GGACT: variants seen among roughly 807,000 people sequenced by gnomAD.
GGACT encodes the protein gamma-glutamylamine cyclotransferase, also known as gamma-glutamylaminecyclotransferase.
For missense variants in GGACT, 241 were observed against 233.2 expected (o/e 1.03, Z -0.22); for synonymous variants, 118 against 115.3 (o/e 1.02, Z -0.15).
intron 2 of GGACT, among the ~76,000 whole-genome samples, chr13:100,562,894 A>C (rs971048199): frequency 1.3e-5 from 2 of 152,020 alleles, no homozygotes; most frequent in South Asian, 2.1e-4. Flanking sequence ...TAACAACCCC[A>C]AAAAAAGAGC....
At chr13:100,549,118 C>T (rs1166560090) in intron 2 of GGACT, among the ~76,000 whole-genome samples, 5 of 152,078 alleles carry the variant, frequency 3.3e-5, no homozygotes, top group African/African-American at 4.8e-5. Flanking sequence ...CAGGCTGAGG[C>T]GGGTGGTTCA....
At chr13:100,570,441 C>T (rs796869852) in intron 2 of GGACT, among the ~76,000 whole-genome samples, 4 of 152,268 alleles carry the variant, frequency 2.6e-5, no homozygotes, top group African/African-American at 9.6e-5. Flanking sequence ...ATAAAACCAT[C>T]AGATCTCATG....
At position 100,534,287 on chromosome 13, in the gene GGACT, C is replaced by T. The variant is rs1339369849; in HGVS notation, c.-10-1686G>A. 7.2e-5 allele frequency among the ~76,000 whole-genome samples: 11 copies of T among 152,302 alleles called. No individual in the cohort carries two copies. The South Asian group carries it at 2.3e-3, about 32-fold the overall frequency. On this transcript the variant is annotated intron_variant, in intron 2 of 2. Transcript: ENST00000683975. The surrounding 1 kb of genome is among the most constrained non-coding windows in gnomAD (Gnocchi z 4.9). The stretch of plus-strand genomic sequence containing the variant: ...AAACACAAGGCTAGCCAGATACGTG[C>T]GCCCTGTGGGCCTGGCCATGTGATA...
At chr13:100,536,506 TG>T (rs2088494316) in intron 2 of GGACT, 9 of 151,268 alleles carry the variant, frequency 5.9e-5, no homozygotes, top group African/African-American at 2.0e-4. Flanking sequence ...TCTTGTTGTG[TG>T]TTTTTTTTTT....
At chr13:100,537,780 C>G (rs143596506) in intron 2 of GGACT, 1 of 152,322 alleles carries the variant, frequency 6.6e-6, no homozygotes, top group Non-Finnish European at 1.5e-5. Context: ...GAAGTGAGAA[C>G]AGTCCTATGG....
intron 2 of GGACT, among the ~76,000 whole-genome samples, chr13:100,561,330 T>G (rs370436817): frequency 2.6e-5 from 4 of 152,212 alleles, no homozygotes; most frequent in African/African-American, 9.6e-5. Context: ...CTGTATGGTA[T>G]GTGAATTATT....
intron 2 of GGACT, among the ~76,000 whole-genome samples, chr13:100,577,492 T>C (rs1417645584): frequency 1.3e-5 from 2 of 151,282 alleles, no homozygotes; most frequent in Non-Finnish European, 3.0e-5. Flanking sequence ...TATTAAAAGA[T>C]GTTAAGGAAT....
intron 2 of GGACT, among the ~76,000 whole-genome samples, chr13:100,541,446 C>T (rs1198225973): frequency 2.0e-5 from 3 of 152,202 alleles, no homozygotes; most frequent in Non-Finnish European, 4.4e-5. Flanking sequence ...GCCGACTGTG[C>T]AGGCATGAGC....
At chr13:100,546,292 G>A (rs1341705631) in intron 2 of GGACT, among the ~76,000 whole-genome samples, 4 of 151,100 alleles carry the variant, frequency 2.6e-5, no homozygotes, top group Non-Finnish European at 5.9e-5. Flanking sequence ...AACCCGGTAG[G>A]CGGAGCTTGC....
chr13:100,587,110 G>C (rs769934122), intron 1 of GGACT: 3 of 152,168 alleles, frequency 2.0e-5, no homozygotes, highest in Non-Finnish European at 4.4e-5. Flanking sequence ...TTCAAGCATG[G>C]CTGCACTACA....
chr13:100,584,191 G>C (rs1413180019), intron 1 of GGACT, among the ~76,000 whole-genome samples, 194 bp from the exon 2 acceptor site: 3 of 152,172 alleles, frequency 2.0e-5, no homozygotes, highest in Non-Finnish European at 4.4e-5. Context: ...GCCAAAGAAT[G>C]CCTTGAATAG....
chr13:100,540,244 G>A, intron 2 of GGACT: 1 of 1,350,614 alleles, frequency 7.4e-7, no homozygotes. Flanking sequence ...TCTTTTCTTT[G>A]TCATCTTGGA....
chr13:100,536,258 G>C (rs1168493769), intron 2 of GGACT: 1 of 152,038 alleles, frequency 6.6e-6, no homozygotes, highest in Non-Finnish European at 1.5e-5. Context: ...TTCATTGATT[G>C]TGCTGGAATT....
intron 2 of GGACT, among the ~76,000 whole-genome samples, chr13:100,553,843 CA>C (rs10664762): frequency 5.4e-4 from 63 of 117,700 alleles, no homozygotes; most frequent in Non-Finnish European, 7.2e-4. Flanking sequence ...GACTCCATCT[CA>C]AAAAAAAAAA....
chr13:100,572,333 A>G (rs982507796), intron 2 of GGACT, among the ~76,000 whole-genome samples: 5 of 152,236 alleles, frequency 3.3e-5, no homozygotes, highest in African/African-American at 1.2e-4. Context: ...CTTTTATGAC[A>G]TACCTAGAGT....
At chr13:100,543,760 G>A (rs963364972) in intron 2 of GGACT, among the ~76,000 whole-genome samples, 3 of 152,218 alleles carry the variant, frequency 2.0e-5, no homozygotes, top group Non-Finnish European at 4.4e-5. Context: ...TGCCAGAGGG[G>A]CTCTGCCACT....
In GGACT at chr13:100,551,140, C is replaced by T. The variant is rs546829306; in HGVS notation, c.-10-18539G>A. On this transcript the variant is annotated intron_variant, in intron 2 of 2. Transcript: ENST00000683975. Reference sequence around the variant, plus strand: ...TCTACTAAAAGTACAAAAAATTAGCCGGGTGTGGTGGCGGGCGCCTGTGGT... The same window carrying T: ...TCTACTAAAAGTACAAAAAATTAGCTGGGTGTGGTGGCGGGCGCCTGTGGT... 2.6e-3 allele frequency among the ~76,000 whole-genome samples: 395 copies of T among 152,006 alleles called. 2 individuals carry two copies. Among genetic ancestry groups the T allele is most frequent in the African/African-American group, 9.2e-3 (382 of 41,480 alleles).
intron 2 of GGACT, among the ~76,000 whole-genome samples, chr13:100,562,533 C>T (rs996348235): frequency 1.3e-5 from 2 of 152,140 alleles, no homozygotes; most frequent in Admixed American, 6.5e-5. Flanking sequence ...TGGTGGCTCA[C>T]GCCTGTAATT....
At position 100,530,438 on chromosome 13, in the gene GGACT, T is replaced by A; in HGVS notation, c.*1692A>T. The A allele has an allele frequency of 3.6e-6, 2 of 548,532 alleles. No individual in the cohort carries two copies. The highest frequency in any genetic ancestry group is 1.9e-5 in the African/African-American group (1 of 52,868). The allele number at this position is 548,532 out of a possible 1,614,324, so 34.0% of individuals were successfully genotyped here. On this transcript the variant is annotated 3_prime_UTR_variant, in exon 3 of 3. Coordinates refer to ENST00000683975, the MANE Select transcript of GGACT (RefSeq NM_001195087.2). ...ATAAAACTGAGCATTTGTCTAAATA[T>A]TAGTTTGCCCTTTCTTTGAATGAAG... is the stretch of plus-strand genomic sequence containing the variant.
Sources: allele counts gnomAD v4.1 joint callset (sites outside exome capture counted in the v4.1 genomes callset), GRCh38; gene constraint gnomAD v4.1.1; non-coding constraint Gnocchi (gnomAD v3.1); transcripts MANE v1.5; gene names NCBI Gene and HGNC (gene_info 2026-07-23, HGNC 2026-07-21).